Variants in TCFL5 observed in about 807,000 individuals in gnomAD.
The protein encoded by TCFL5 is transcription factor like 5.
A neutral mutation model predicts 44.3 loss-of-function variants in TCFL5; 9 were observed. The ratio of observed to expected loss-of-function variants is 0.20; its 90% CI spans 0.12 to 0.35. The LOEUF (loss-of-function observed/expected upper bound fraction) is 0.35. Ranked by LOEUF, TCFL5 falls within the 10% of genes least tolerant of loss-of-function variation. The pLI is 1.00. For missense variants in TCFL5, 603 were observed against 613.4 expected, an observed-to-expected ratio of 0.98 and a Z score of 0.18; for synonymous variants, 319 against 271.6, an observed-to-expected ratio of 1.17 and a Z score of -1.72.
intron 3 of TCFL5, among the ~76,000 whole-genome samples, chr20:62,858,639 G>A (rs1455474517): frequency 6.9e-6 from 1 of 145,684 alleles, no homozygotes; most frequent in Non-Finnish European, 1.5e-5. Flanking sequence ...GGCTACGCAG[G>A]TGTTTCCCAG....
At chr20:62,860,958 C>A in intron 1 of TCFL5, 66 bp downstream of exon 1, 1 of 823,076 alleles carries the variant, frequency 1.2e-6, no homozygotes, top group South Asian at 5.3e-5. Flanking sequence ...TTGCCTCCGC[C>A]CCGGCCCCGG....
At chr20:62,853,527 T>G (rs1182765428) in intron 5 of TCFL5, among the ~76,000 whole-genome samples, 1 of 151,974 alleles carries the variant, frequency 6.6e-6, no homozygotes, top group Non-Finnish European at 1.5e-5. Context: ...TTTTTGTATT[T>G]TTTAGTAGAG....
chr20:62,845,204 C>T (rs2063725455), intron 5 of TCFL5: 1 of 936,830 alleles, frequency 1.1e-6, no homozygotes, highest in Non-Finnish European at 1.3e-6. Flanking sequence ...TCACTGCAAC[C>T]TTTGCCTCCT....
At chr20:62,850,378 C>G (rs2063792016) in intron 5 of TCFL5, among the ~76,000 whole-genome samples, 1 of 151,882 alleles carries the variant, frequency 6.6e-6, no homozygotes, top group South Asian at 2.1e-4. Context: ...CTGACGCCCC[C>G]AGAATGCCGA....
At position 62,861,545 on chromosome 20, in the gene TCFL5, G is replaced by C. The variant is rs374723929; in HGVS notation, c.126C>G (p.Thr42=). 1.7e-6 allele frequency: 2 copies of C among 1,153,562 alleles called. No individual in the cohort carries two copies. The highest frequency in any genetic ancestry group is 2.2e-6 in the Non-Finnish European group (2 of 923,650). 71.5% of individuals were successfully genotyped at this position (1,153,562 alleles called of 1,614,324 possible). The change falls in exon 1 of 6, where the codon ACC becomes ACG. Residue 42 remains threonine, a synonymous_variant. Coordinates refer to ENST00000335351, the MANE Select transcript of TCFL5 (RefSeq NM_006602.4). This position sits in a 1 kb window ranked among gnomAD's most constrained non-coding sequence, Gnocchi z 4.0. The stretch of plus-strand genomic sequence containing the variant: ...CCGTCATCTCCACCAGGCTCAGGTC[G>C]GTGGTCGTGAAGCTCAGCCCCGGCT... The part of the protein sequence containing the change: ...LGEPGLSFTT[T]DLSLVEMTEV...
At chr20:62,859,204 G>A (rs966851191) in intron 3 of TCFL5, among the ~76,000 whole-genome samples, 160 bp downstream of exon 3, 2 of 152,174 alleles carry the variant, frequency 1.3e-5, no homozygotes, top group Admixed American at 6.5e-5. Flanking sequence ...CGAAAAGACA[G>A]GGAAGCGGGT....
Position 62,857,546 on chromosome 20 carries a change from G to C in TCFL5, c.1087C>G (p.Gln363Glu), listed in dbSNP as rs2063913723. 1 of 1,614,238 alleles carries C rather than the reference G, an allele frequency of 6.2e-7. No homozygotes were observed. Among genetic ancestry groups the C allele is most frequent in the South Asian group, 1.1e-5 (1 of 91,086 alleles). ...NVERRALGEI[Q>E]NVGEGATATQ... Reference sequence around the variant, plus strand: ...GCGGTGGCACCTTCGCCCACATTCTGAATCTCTCCAAGGGCTCTTCGCTCT... The same window carrying C: ...GCGGTGGCACCTTCGCCCACATTCTCAATCTCTCCAAGGGCTCTTCGCTCT... Residue 363 changes from glutamine (Q) to glutamate (E), a missense_variant, in exon 4 of 6, where the codon CAG becomes GAG. Gln to Glu is a conservative substitution (Grantham distance 29, BLOSUM62 2). Transcript: ENST00000335351.
In TCFL5 at chr20:62,850,165, G is replaced by C. The variant is rs1224768429; in HGVS notation, c.1380+3851C>G. Reference sequence around the variant, plus strand: ...TAGAAATATTTAGAGATGAAGGTTCGTGTCTATAATTGTCTTTGAAATTGT... The same window carrying C: ...TAGAAATATTTAGAGATGAAGGTTCCTGTCTATAATTGTCTTTGAAATTGT... On this transcript the variant is annotated intron_variant, in intron 5 of 5. Transcript: ENST00000335351. Among the ~76,000 whole-genome samples the C allele has an allele frequency of 2.0e-5, 3 of 152,116 alleles. No individual in the cohort carries two copies. In the East Asian group the frequency reaches 5.8e-4, roughly 29 times the overall value.
chr20:62,861,478 T>A lies in TCFL5; in HGVS notation c.193A>T (p.Met65Leu). The change falls in exon 1 of 6, where the codon ATG becomes TTG. Residue 65 changes from methionine (M) to leucine (L), a missense_variant. Coordinates refer to ENST00000335351, the MANE Select transcript of TCFL5 (RefSeq NM_006602.4). The surrounding 1 kb of genome is among the most constrained non-coding windows in gnomAD (Gnocchi z 4.0). Reference protein sequence around the residue: ...TQLQHILCSHMEAAADGELET... With the variant: ...TQLQHILCSHLEAAADGELET... ...AGCTCGCCGTCAGCCGCCGCCTCCA[T>A]GTGCGAGCAGAGGATGTGCTGCAGC... The A allele has an allele frequency of 1.7e-6, 2 of 1,191,098 alleles. No individual in the cohort carries two copies. The highest frequency in any genetic ancestry group is 2.1e-6 in the Non-Finnish European group (2 of 946,490). The allele number at this position is 1,191,098 out of a possible 1,614,324, so 73.8% of individuals were successfully genotyped here. A position where few individuals can be genotyped will look rare whatever the true frequency, so the allele number is the denominator to read the frequency against.
intron 1 of TCFL5, 40 bp from the exon 2 acceptor site, chr20:62,860,348 G>A (rs990472028): frequency 6.4e-7 from 1 of 1,561,586 alleles, no homozygotes; most frequent in Non-Finnish European, 8.8e-7. Context: ...TCAGCAATAC[G>A]TGGCAGACAA....
At chr20:62,852,635 T>C in intron 5 of TCFL5, 1 of 974,758 alleles carries the variant, frequency 1.0e-6, no homozygotes, top group South Asian at 4.7e-5. Context: ...AGTCACCCAG[T>C]CCACAGAAGT....
chr20:62,858,462 AC>A (rs2063930306), intron 3 of TCFL5, among the ~76,000 whole-genome samples: 1 of 152,276 alleles, frequency 6.6e-6, no homozygotes, highest in South Asian at 2.1e-4. Context: ...ACAAATGTGA[AC>A]ATATACTTTG....
intron 5 of TCFL5, chr20:62,845,114 T>G (rs1600825494): frequency 1.6e-5 from 16 of 984,810 alleles, no homozygotes; most frequent in Non-Finnish European, 1.9e-5. Flanking sequence ...TATACTCATT[T>G]TCTTCCCAAT....
At chr20:62,845,166 G>A in intron 5 of TCFL5, 1 of 981,192 alleles carries the variant, frequency 1.0e-6, no homozygotes, top group African/African-American at 1.8e-5. Flanking sequence ...TTGTCGCCCA[G>A]ACTGGGGTGC....
rs748336439 is a variant in TCFL5, at chr20:62,857,486, G to A, written c.1147C>T (p.Gln383Ter). 1.9e-6 allele frequency: 3 copies of A among 1,614,226 alleles called. No individual in the cohort carries two copies. Among genetic ancestry groups the A allele is most frequent in the Non-Finnish European group, 2.5e-6 (3 of 1,180,038 alleles). ...QGAWQSSESS[Q>*]ANLGEQAQSG... ...TGGGCCTGCTCCCCCAGGTTTGCCT[G>A]TGAGGACTCCGAGGACTGCCAAGCG... Residue 383 changes from glutamine (Q) to a stop codon, truncating the protein, a stop_gained, in exon 4 of 6, where the codon CAG (glutamine) becomes TAG (stop). Coordinates refer to ENST00000335351, the MANE Select transcript of TCFL5 (RefSeq NM_006602.4). LOFTEE classifies it high-confidence loss of function.
At position 62,857,421 on chromosome 20, in the gene TCFL5, C is replaced by T. The variant is rs752301191; in HGVS notation, c.1212G>A (p.Arg404=). Residue 404 remains arginine, a synonymous_variant, in exon 4 of 6, where the codon AGG becomes AGA. Transcript: ENST00000335351. Reference sequence around the variant, plus strand: ...TTCTATCTCTTTCCATTCGGTTATGCCTCTCCCTACGTTGAGACCTTCCTC... The same window carrying T: ...TTCTATCTCTTTCCATTCGGTTATGTCTCTCCCTACGTTGAGACCTTCCTC... ...PQGGRSQRRE[R]HNRMERDRRR... is the part of the protein sequence containing the mutation. The T allele has an allele frequency of 8.7e-6, 14 of 1,614,196 alleles. No individual in the cohort carries two copies. The highest frequency in any genetic ancestry group is 6.7e-5 in the Admixed American group (4 of 60,028).
intron 5 of TCFL5, chr20:62,845,604 G>A: frequency 1.3e-6 from 2 of 1,576,524 alleles, no homozygotes; most frequent in Non-Finnish European, 1.7e-6. Context: ...GGAGAAGTTA[G>A]ACCCTCGGAG....
intron 5 of TCFL5, among the ~76,000 whole-genome samples, chr20:62,849,856 G>A (rs2063785832): frequency 6.6e-6 from 1 of 152,182 alleles, no homozygotes; most frequent in Non-Finnish European, 1.5e-5. Context: ...TTAGGAGGCT[G>A]AGGCAAGAGG....
chr20:62,849,053 A>T (rs1239537136), intron 5 of TCFL5, among the ~76,000 whole-genome samples: 1 of 152,130 alleles, frequency 6.6e-6, no homozygotes, highest in Non-Finnish European at 1.5e-5. Context: ...CTGTAGTCCT[A>T]GCTACTCAAG....
Sources: allele counts gnomAD v4.1 joint callset (sites outside exome capture counted in the v4.1 genomes callset), GRCh38; gene constraint gnomAD v4.1.1; non-coding constraint Gnocchi (gnomAD v3.1); transcripts MANE v1.5; gene names NCBI Gene and HGNC (gene_info 2026-07-23, HGNC 2026-07-21).